The following ADGRL2 variants were observed in gnomAD, a reference collection of about 807,000 sequenced individuals.
ADGRL2 encodes calcium-independent alpha-latrotoxin receptor 2.
ADGRL2 carries 44 observed loss-of-function variants against 157.4 expected under a neutral mutation model. That is an observed-to-expected ratio of 0.28 (90% CI 0.22 to 0.36). The LOEUF is 0.36. Ranked by LOEUF, ADGRL2 falls within the 10% of genes least tolerant of loss-of-function variation. The pLI is 1.00. For missense variants in ADGRL2, 1,510 were observed against 1,768.9 expected (o/e 0.85, Z 2.63); for synonymous variants, 585 against 624.7 (o/e 0.94, Z 0.95).
chr1:81,334,708 A>G (rs1167720614), intron 1 of ADGRL2, among the ~76,000 whole-genome samples: 2 of 152,206 alleles, frequency 1.3e-5, no homozygotes, highest in Admixed American at 1.3e-4. Context: ...TGTATGACCT[A>G]TTAACACTTT....
intron 1 of ADGRL2, among the ~76,000 whole-genome samples, chr1:81,712,224 G>C (rs762247647): frequency 6.6e-6 from 1 of 152,166 alleles, no homozygotes; most frequent in Non-Finnish European, 1.5e-5. Context: ...ATGGGAATTT[G>C]GAAGGAAGGA....
intron 3 of ADGRL2, among the ~76,000 whole-genome samples, chr1:81,606,942 G>A (rs1332193973): frequency 2.0e-5 from 3 of 152,222 alleles, no homozygotes; most frequent in South Asian, 2.1e-4. Context: ...AATGCCTCTC[G>A]ATTATTTAAT....
intron 1 of ADGRL2, among the ~76,000 whole-genome samples, chr1:81,389,687 T>C (rs2101107137): frequency 6.6e-6 from 1 of 152,268 alleles, no homozygotes; most frequent in African/African-American, 2.4e-5. Flanking sequence ...TCAATATAAT[T>C]CAACCACTAA....
Position 81,749,239 on chromosome 1 carries a change from AAG to A in ADGRL2, c.-142-12569_-142-12568del, listed in dbSNP as rs757099829. 2.4e-4 allele frequency among the ~76,000 whole-genome samples: 36 copies of A among 152,320 alleles called. 1 individual carries two copies. The highest frequency in any genetic ancestry group is 6.2e-4 in the South Asian group (3 of 4,824). On this transcript the variant is annotated intron_variant, in intron 1 of 20. Coordinates refer to the ADGRL2 transcript ENST00000359929. ...ACCTTACAAAATGATTTAGACAGTTAAGAGTTTGCTACATATTTGGCCCAAAC... is the reference window on the plus strand; with the variant it reads ...ACCTTACAAAATGATTTAGACAGTTAAGTTTGCTACATATTTGGCCCAAAC...
chr1:81,665,033 A>T (rs1267171730), intron 3 of ADGRL2, among the ~76,000 whole-genome samples: 3 of 152,188 alleles, frequency 2.0e-5, no homozygotes, highest in Non-Finnish European at 4.4e-5. Flanking sequence ...AAATGTAAAG[A>T]AATAATTAAA....
At chr1:81,968,819 C>T (rs745610560) in intron 14 of ADGRL2, among the ~76,000 whole-genome samples, 1 of 152,138 alleles carries the variant, frequency 6.6e-6, no homozygotes, top group Middle Eastern at 3.2e-3. Flanking sequence ...TTGGAAAAAT[C>T]ATTAAAATGT....
At chr1:81,883,152 G>C (rs1003351337) in intron 2 of ADGRL2, among the ~76,000 whole-genome samples, 5 of 152,112 alleles carry the variant, frequency 3.3e-5, no homozygotes, top group Non-Finnish European at 7.4e-5. Context: ...AAAGAATTTT[G>C]GGGGTATGTT....
intron 1 of ADGRL2, among the ~76,000 whole-genome samples, chr1:81,425,513 C>T (rs2077196861): frequency 6.6e-6 from 1 of 152,180 alleles, no homozygotes; most frequent in Non-Finnish European, 1.5e-5. Context: ...ATGCCTATGC[C>T]TGGCTCATGG....
At chr1:81,683,919 C>T (rs2083174752) in intron 3 of ADGRL2, among the ~76,000 whole-genome samples, 1 of 151,974 alleles carries the variant, frequency 6.6e-6, no homozygotes, top group Non-Finnish European at 1.5e-5. Context: ...CAAGTTCAAG[C>T]GATTCTCCTG....
At chr1:81,774,019 G>C (rs561382757) in intron 2 of ADGRL2, among the ~76,000 whole-genome samples, 58 of 152,282 alleles carry the variant, frequency 3.8e-4, no homozygotes, top group Middle Eastern at 6.8e-3. Context: ...AAGCCAAGGA[G>C]AGAGGCCTCA....
intron 17 of ADGRL2, among the ~76,000 whole-genome samples, chr1:81,973,223 A>G (rs1659267600): frequency 6.6e-6 from 1 of 152,204 alleles, no homozygotes; most frequent in African/African-American, 2.4e-5. Context: ...GCCTGTATGA[A>G]TTAAACCAGT....
rs374925597 is a variant in ADGRL2, at chr1:81,951,357, T to C, written c.1608+236T>C. On this transcript the variant is annotated intron_variant, in intron 8 of 23. Transcript: ENST00000686636. ...GAGTAATGCTTGTTAATTTCATTCA[T>C]ATTTAGTTCTGTTTCTTTTGATGTT... 7.0e-4 allele frequency among the ~76,000 whole-genome samples: 106 copies of C among 152,304 alleles called. No homozygotes were observed. The South Asian group carries it at 0.013, about 18-fold the overall frequency.
chr1:81,926,424 C>T (rs975113088), intron 3 of ADGRL2, among the ~76,000 whole-genome samples: 5 of 151,946 alleles, frequency 3.3e-5, no homozygotes, highest in African/African-American at 4.8e-5. Flanking sequence ...TGTCTTATTA[C>T]GCTGTGTCTT....
At chr1:81,393,818 C>CT (rs35350823) in intron 1 of ADGRL2, among the ~76,000 whole-genome samples, 62 of 126,622 alleles carry the variant, frequency 4.9e-4, no homozygotes, top group African/African-American at 1.2e-3. Flanking sequence ...TATTGCCTTG[C>CT]TTTTTTTTTT....
At chr1:81,770,153 CTTTTTTTTT>C (rs150798264) in intron 2 of ADGRL2, among the ~76,000 whole-genome samples, 1 of 59,582 alleles carries the variant, frequency 1.7e-5, no homozygotes, top group East Asian at 7.9e-4. Context: ...CTGCACCCAG[CTTTTTTTTT>C]TTTTTTTTTT....
intron 3 of ADGRL2, among the ~76,000 whole-genome samples, chr1:81,922,929 A>G (rs1240165235): frequency 1.3e-5 from 2 of 152,242 alleles, no homozygotes; most frequent in East Asian, 1.9e-4. Context: ...ACCTGTGATC[A>G]ATTGATCTAT....
At chr1:81,535,067 G>A (rs1485990009) in intron 2 of ADGRL2, among the ~76,000 whole-genome samples, 1 of 152,150 alleles carries the variant, frequency 6.6e-6, no homozygotes, top group Non-Finnish European at 1.5e-5. Context: ...TGAGTCTTAT[G>A]TGATTTAAAA....
intron 1 of ADGRL2, among the ~76,000 whole-genome samples, chr1:81,827,785 G>A: frequency 6.6e-6 from 1 of 151,962 alleles, no homozygotes; most frequent in South Asian, 2.1e-4. Context: ...GGCTGGTCTC[G>A]AACTCCTGAC....
chr1:81,953,220 T>C (rs1487871210), intron 10 of ADGRL2, among the ~76,000 whole-genome samples, 195 bp downstream of exon 10: 1 of 152,240 alleles, frequency 6.6e-6, no homozygotes, highest in Non-Finnish European at 1.5e-5. Flanking sequence ...TAATGATTTC[T>C]GCTGTTTTTC....
Sources: gnomAD v4.1 joint callset for allele counts (sites outside exome capture counted in the v4.1 genomes callset) on GRCh38, gnomAD v4.1.1 for gene constraint, MANE v1.5 for transcripts, NCBI Gene and HGNC (gene_info 2026-07-23, HGNC 2026-07-21) for gene names.